The following BMPR1A variants were observed in gnomAD, a reference collection of about 807,000 sequenced individuals.
The protein encoded by BMPR1A is bone morphogenetic protein receptor type-1A.
BMPR1A carries 7 observed loss-of-function variants against 66.0 expected under a neutral mutation model. The ratio of observed to expected loss-of-function variants is 0.11; its 90% confidence interval spans 0.06 to 0.20. BMPR1A has a LOEUF of 0.20. Ranked by LOEUF, BMPR1A falls within the 10% of genes least tolerant of loss-of-function variation. The probability of loss-of-function intolerance (pLI) is 1.00; values close to 1 mark genes in which losing one functional copy is unlikely to be tolerated. For synonymous variants in BMPR1A, 200 were observed against 229.7 expected (o/e 0.87, Z 1.17); for missense variants, 408 against 669.1 (o/e 0.61, Z 4.31).
chr10:86,796,935 C>T (rs1323969578), intron 1 of BMPR1A, among the ~76,000 whole-genome samples: 5 of 152,092 alleles, frequency 3.3e-5, no homozygotes, highest in Non-Finnish European at 5.9e-5. Flanking sequence ...CTCTTTAGCT[C>T]TCATGCTTTA....
Position 86,889,947 on chromosome 10 carries a change from G to C in BMPR1A, c.68-115G>C, listed in dbSNP as rs973221866. On this transcript the variant is annotated intron_variant, in intron 3 of 12. Transcript: ENST00000372037. Reference sequence around the variant, plus strand: ...GAAATTTATATTTCTAAAGAAACATGCTAGCTACAATTATTGTGATAAGAA... The same window carrying C: ...GAAATTTATATTTCTAAAGAAACATCCTAGCTACAATTATTGTGATAAGAA... 57 of 1,102,282 alleles carry C rather than the reference G, an allele frequency of 5.2e-5. No homozygotes were observed. The African/African-American group carries it at 7.7e-4, about 15-fold the overall frequency. The allele number at this position is 1,102,282 out of a possible 1,614,324, so 68.3% of individuals were successfully genotyped here.
chr10:86,762,737 AT>A lies in BMPR1A; in HGVS notation c.-268+5819del, dbSNP rs1564676092. 1.2e-4 allele frequency among the ~76,000 whole-genome samples: 19 copies of A among 152,258 alleles called. No homozygotes were observed. In the East Asian group the frequency reaches 1.7e-3, roughly 14 times the overall value. ...ATTATCTAGTTGTAGTTATGTTAAG[AT>A]CTACAAAAAGGAAGTCCAGGGAATG... On this transcript the variant is annotated intron_variant, in intron 1 of 12. Coordinates refer to ENST00000372037, the MANE Select transcript of BMPR1A (RefSeq NM_004329.3).
At chr10:86,838,748 G>C (rs1464959904) in intron 1 of BMPR1A, 117 bp from the exon 2 acceptor site, 1 of 152,110 alleles carries the variant, frequency 6.6e-6, no homozygotes, top group Non-Finnish European at 1.5e-5. Context: ...AATTTTCATT[G>C]ACTTTACTTT....
chr10:86,758,702 C>A (rs1847921104), intron 1 of BMPR1A, among the ~76,000 whole-genome samples: 1 of 152,192 alleles, frequency 6.6e-6, no homozygotes, highest in Non-Finnish European at 1.5e-5. Context: ...TAGAGATTGC[C>A]AAGTGTAGTC....
intron 2 of BMPR1A, among the ~76,000 whole-genome samples, chr10:86,854,205 G>A (rs951576099): frequency 3.3e-5 from 5 of 152,144 alleles, no homozygotes; most frequent in Non-Finnish European, 5.9e-5. Flanking sequence ...GCTCACCGGC[G>A]GTCAGAGTTT....
chr10:86,889,843 A>T, intron 3 of BMPR1A: 1 of 563,352 alleles, frequency 1.8e-6, no homozygotes, highest in Non-Finnish European at 3.1e-6. Flanking sequence ...AAATTGTGAT[A>T]TAGCTGTCTT....
At chr10:86,902,457 A>G (rs1052416469) in intron 7 of BMPR1A, among the ~76,000 whole-genome samples, 2 of 151,920 alleles carry the variant, frequency 1.3e-5, no homozygotes. Context: ...GCCTTCAGCC[A>G]CATAGTAAAG....
At chr10:86,882,596 A>G (rs1431641970) in intron 3 of BMPR1A, among the ~76,000 whole-genome samples, 2 of 149,556 alleles carry the variant, frequency 1.3e-5, no homozygotes, top group African/African-American at 4.9e-5. Context: ...GTGGGGCTCA[A>G]TTTTTTTTTG....
At chr10:86,855,423 C>T in intron 2 of BMPR1A, 1 of 702,106 alleles carries the variant, frequency 1.4e-6, no homozygotes, top group East Asian at 2.6e-5. Context: ...TAAAATGCTC[C>T]ATACTTTTCT....
At position 86,927,356 on chromosome 10, in the gene BMPR1A, GATT is replaced by G. The variant is rs1224973212; in HGVS notation, c.*3640_*3642del. Reference sequence around the variant, plus strand: ...AGAAATGATTTTTATTTTAACAAAAGATTATGATAGCCCTTGTAGTGTTTAAAA... The same window carrying G: ...AGAAATGATTTTTATTTTAACAAAAGATGATAGCCCTTGTAGTGTTTAAAA... On this transcript the variant is annotated 3_prime_UTR_variant, in exon 13 of 13. Coordinates refer to ENST00000372037, the MANE Select transcript of BMPR1A (RefSeq NM_004329.3). 1 of 193,364 alleles carries G rather than the reference GATT, an allele frequency of 5.2e-6. No individual in the cohort carries two copies. The highest frequency in any genetic ancestry group is 1.1e-5 in the Non-Finnish European group (1 of 92,586). 12.0% of individuals were successfully genotyped at this position (193,364 alleles called of 1,614,324 possible). A position where few individuals can be genotyped will look rare whatever the true frequency, so the allele number is the denominator to read the frequency against.
At chr10:86,797,209 C>T (rs1307041764) in intron 1 of BMPR1A, among the ~76,000 whole-genome samples, 2 of 147,710 alleles carry the variant, frequency 1.4e-5, no homozygotes, top group Non-Finnish European at 3.0e-5. Context: ...GGATTACAGG[C>T]GCCTGCCACC....
chr10:86,837,247 C>CTGTGTGTGTGTGTG (rs71019433), intron 1 of BMPR1A, among the ~76,000 whole-genome samples: 6 of 138,106 alleles, frequency 4.3e-5, no homozygotes, highest in South Asian at 2.5e-4. Context: ...GTGTGTGTGT[C>CTGTGTGTGTGTGTG]TGTGTGTGTG....
intron 2 of BMPR1A, among the ~76,000 whole-genome samples, chr10:86,869,490 C>T (rs1842826387): frequency 6.7e-6 from 1 of 148,750 alleles, no homozygotes; most frequent in South Asian, 2.1e-4. Flanking sequence ...GACGTTGTGG[C>T]TCACACCTGT....
intron 1 of BMPR1A, among the ~76,000 whole-genome samples, chr10:86,809,595 C>CTTTTTTTTTTTTTTTTTT (rs71019431): frequency 8.1e-6 from 1 of 123,902 alleles, no homozygotes; most frequent in African/African-American, 3.2e-5. Flanking sequence ...CACCCGACCT[C>CTTTTTTTTTTTTTTTTTT]TTTTTTTTTT....
chr10:86,782,719 A>G (rs1841455962), intron 1 of BMPR1A, among the ~76,000 whole-genome samples: 1 of 151,584 alleles, frequency 6.6e-6, no homozygotes, highest in Non-Finnish European at 1.5e-5. Flanking sequence ...TTTGTTACTG[A>G]GTTGTAGGAG....
At chr10:86,862,315 G>T (rs1842722325) in intron 2 of BMPR1A, among the ~76,000 whole-genome samples, 1 of 152,182 alleles carries the variant, frequency 6.6e-6, no homozygotes, top group African/African-American at 2.4e-5. Context: ...TCCCGGGGAA[G>T]ACCATTACAG....
chr10:86,876,678 G>A (rs923145112), intron 3 of BMPR1A, among the ~76,000 whole-genome samples: 5 of 152,124 alleles, frequency 3.3e-5, no homozygotes, highest in African/African-American at 7.2e-5. Context: ...GGCTGAGGCA[G>A]GAGAATCACT....
At chr10:86,849,780 GA>G (rs1424718699) in intron 2 of BMPR1A, among the ~76,000 whole-genome samples, 2 of 152,164 alleles carry the variant, frequency 1.3e-5, no homozygotes, top group Non-Finnish European at 2.9e-5. Context: ...AGACACCAGG[GA>G]ATGTTGTTCC....
chr10:86,854,818 T>C, intron 2 of BMPR1A: 1 of 253,286 alleles, frequency 3.9e-6, no homozygotes. Flanking sequence ...GTTTAATGGC[T>C]GTATCTGAGC....
Sources: gnomAD v4.1 joint callset for allele counts (sites outside exome capture counted in the v4.1 genomes callset) on GRCh38, gnomAD v4.1.1 for gene constraint, MANE v1.5 for transcripts, NCBI Gene and HGNC (gene_info 2026-07-23, HGNC 2026-07-21) for gene names.